Variants in MTHFD2L observed in about 807,000 individuals in gnomAD.
The protein encoded by MTHFD2L is methylenetetrahydrofolate dehydrogenase (NADP+ dependent) 2 like, also known as bifunctional methylenetetrahydrofolate dehydrogenase/cyclohydrolase 2, mitochondrial.
In MTHFD2L, 29 loss-of-function variants were observed where a neutral mutation model predicts 34.9. The ratio of observed to expected loss-of-function variants is 0.83; its 90% CI spans 0.62 to 1.13. The LOEUF is 1.13. MTHFD2L is among the 50% of genes most tolerant of loss of function. The pLI, the probability that MTHFD2L is intolerant of heterozygous loss-of-function variation, is 0.00. For synonymous variants in MTHFD2L, 167 were observed against 155.7 expected (o/e 1.07, Z -0.54); for missense variants, 481 against 446.5 (o/e 1.08, Z -0.70).
At chr4:74,132,772 C>G (rs1383571984) in intron 1 of MTHFD2L, among the ~76,000 whole-genome samples, 1 of 152,084 alleles carries the variant, frequency 6.6e-6, no homozygotes, top group African/African-American at 2.4e-5. Flanking sequence ...TTTAACTCCA[C>G]ACCTCCCACA....
At position 74,289,207 on chromosome 4, in the gene MTHFD2L, A is replaced by G. The variant is rs57784031; in HGVS notation, c.931+7657A>G. ...TGTCTTAGTGATACAAAAATAAAAC[A>G]AGATAAGAGGGCTAGAGAATGGTGG... On this transcript the variant is annotated intron_variant, in intron 7 of 7. Coordinates refer to ENST00000325278, the MANE Select transcript of MTHFD2L (RefSeq NM_001144978.3). 3.4e-3 allele frequency among the ~76,000 whole-genome samples: 518 copies of G among 152,326 alleles called. 4 individuals are homozygous for G. The highest frequency in any genetic ancestry group is 0.012 in the African/African-American group (495 of 41,570).
At chr4:74,236,975 T>A (rs1024285438) in intron 6 of MTHFD2L, among the ~76,000 whole-genome samples, 2 of 152,178 alleles carry the variant, frequency 1.3e-5, no homozygotes, top group African/African-American at 4.8e-5. Context: ...AAAAAGTGGT[T>A]TAATAACACC....
At chr4:74,127,433 T>A (rs1270455736) in intron 1 of MTHFD2L, among the ~76,000 whole-genome samples, 2 of 152,150 alleles carry the variant, frequency 1.3e-5, no homozygotes, top group African/African-American at 4.8e-5. Context: ...TTGGTAACCA[T>A]CAATCTACTC....
intron 6 of MTHFD2L, among the ~76,000 whole-genome samples, chr4:74,270,318 C>G (rs975961463): frequency 2.6e-5 from 4 of 152,098 alleles, no homozygotes; most frequent in South Asian, 4.2e-4. Flanking sequence ...TTTCCCTCCC[C>G]CCTTCCCTCA....
At chr4:74,157,727 T>C (rs545782492), upstream of MTHFD2L, 2 of 464,292 alleles carry the variant, frequency 4.3e-6, no homozygotes, top group South Asian at 3.1e-5. Context: ...TTAAATCCAA[T>C]TCCACGTAGT....
upstream of MTHFD2L, among the ~76,000 whole-genome samples, chr4:74,119,659 T>C (rs1412625111): frequency 2.0e-5 from 3 of 152,074 alleles, no homozygotes; most frequent in Non-Finnish European, 4.4e-5. Flanking sequence ...GGCGGGTGTC[T>C]GTAGTCCCAG....
chr4:74,267,647 C>A, intron 6 of MTHFD2L: 1 of 828,376 alleles, frequency 1.2e-6, no homozygotes. Flanking sequence ...GTTGCCCAGG[C>A]TGGTTTTGAA....
At position 74,290,640 on chromosome 4, in the gene MTHFD2L, CTGTGTG is replaced by C. The variant is rs147970923; in HGVS notation, c.931+9106_931+9111del. 2.7e-5 allele frequency among the ~76,000 whole-genome samples: 4 copies of C among 149,220 alleles called. No individual in the cohort carries two copies. The South Asian group carries it at 6.3e-4, about 24-fold the overall frequency. ...GCCAAGCATAATGCCTGGTGAAAGA[CTGTGTG>C]TGTGTGTGTGTGTGTACGCGCGAGG... On this transcript the variant is annotated intron_variant, in intron 7 of 7. Coordinates refer to ENST00000325278, the MANE Select transcript of MTHFD2L (RefSeq NM_001144978.3).
chr4:74,120,315 A>G (rs1380518358), upstream of MTHFD2L, among the ~76,000 whole-genome samples: 1 of 152,238 alleles, frequency 6.6e-6, no homozygotes, highest in African/African-American at 2.4e-5. Flanking sequence ...CAGGTTGATG[A>G]GTCTACCAAT....
At chr4:74,225,156 G>T (rs1738939763) in intron 5 of MTHFD2L, 146 bp from the exon 6 acceptor site, 9 of 636,678 alleles carry the variant, frequency 1.4e-5, no homozygotes, top group East Asian at 2.9e-5. Flanking sequence ...TGGTTTTCTT[G>T]TATAGCTTTT....
At chr4:74,151,371 C>A (rs1309515854) in intron 1 of MTHFD2L, among the ~76,000 whole-genome samples, 2 of 152,124 alleles carry the variant, frequency 1.3e-5, no homozygotes, top group Non-Finnish European at 2.9e-5. Flanking sequence ...GTATAAATGA[C>A]TAAAATGCAG....
At chr4:74,155,718 T>C (rs1724194464), upstream of MTHFD2L, among the ~76,000 whole-genome samples, 1 of 152,034 alleles carries the variant, frequency 6.6e-6, no homozygotes. Flanking sequence ...AAAGGGTAAA[T>C]AGAATCTTTG....
At chr4:74,233,014 T>G (rs1438730412) in intron 6 of MTHFD2L, among the ~76,000 whole-genome samples, 2 of 133,370 alleles carry the variant, frequency 1.5e-5, no homozygotes, top group Non-Finnish European at 3.3e-5. Flanking sequence ...CGTATTGGTC[T>G]TAAGTTTATT....
chr4:74,182,298 TTG>T (rs1348513223), intron 3 of MTHFD2L, among the ~76,000 whole-genome samples: 1 of 152,212 alleles, frequency 6.6e-6, no homozygotes, highest in Non-Finnish European at 1.5e-5. Flanking sequence ...CACCACTTTT[TTG>T]TGTGTTAAGT....
At chr4:74,212,492 A>T (rs1236084287) in intron 5 of MTHFD2L, among the ~76,000 whole-genome samples, 1 of 152,084 alleles carries the variant, frequency 6.6e-6, no homozygotes, top group Non-Finnish European at 1.5e-5. Context: ...GTTTTCATGT[A>T]GTTGTGTGTT....
chr4:74,121,711 A>T (rs1007732521), upstream of MTHFD2L, among the ~76,000 whole-genome samples: 12 of 146,818 alleles, frequency 8.2e-5, no homozygotes, highest in Non-Finnish European at 1.6e-4. Flanking sequence ...TTATTTAATT[A>T]TATATATGGC....
At chr4:74,300,738 G>C (rs1379524273) in intron 7 of MTHFD2L, among the ~76,000 whole-genome samples, 1 of 151,984 alleles carries the variant, frequency 6.6e-6, no homozygotes, top group Non-Finnish European at 1.5e-5. Flanking sequence ...TAAGTATACA[G>C]ATTCTCCATG....
At chr4:74,157,849 G>A (rs1319239617), upstream of MTHFD2L, 2 of 604,692 alleles carry the variant, frequency 3.3e-6, no homozygotes, top group East Asian at 7.1e-5. Context: ...CCAGCTATAT[G>A]TTGGCTGGGT....
At chr4:74,119,284 C>T (rs183001526), upstream of MTHFD2L, among the ~76,000 whole-genome samples, 2 of 152,282 alleles carry the variant, frequency 1.3e-5, no homozygotes, top group East Asian at 3.9e-4. Flanking sequence ...GTGTGTCCTG[C>T]CCATTATTTT....
Sources: gnomAD v4.1 joint callset for allele counts (sites outside exome capture counted in the v4.1 genomes callset) on GRCh38, gnomAD v4.1.1 for gene constraint, MANE v1.5 for transcripts, NCBI Gene and HGNC (gene_info 2026-07-23, HGNC 2026-07-21) for gene names.